VDR: variants seen among roughly 807,000 people sequenced by gnomAD.
VDR encodes vitamin D3 receptor.
A neutral mutation model predicts 39.7 loss-of-function variants in VDR; 19 were observed. The observed-to-expected ratio is 0.48, with a 90% CI of 0.33 to 0.70. The LOEUF (loss-of-function observed/expected upper bound fraction) is 0.70. Among genes scored for constraint, VDR ranks in the 30% least tolerant of loss-of-function variants. The pLI is 0.02. For synonymous variants in VDR, 242 were observed against 215.8 expected (o/e 1.12, Z -1.07); for missense variants, 442 against 570.5 (o/e 0.77, Z 2.29).
rs58233888 is a variant in VDR, at chr12:47,856,614, GTTT to G, written c.583+512_583+514del. 5.9e-4 allele frequency among the ~76,000 whole-genome samples: 83 copies of G among 141,682 alleles called. 1 individual carries two copies. The highest frequency in any genetic ancestry group is 3.8e-3 in the South Asian group (17 of 4,486). The allele number at this position is 141,682 out of a possible 152,430, so 92.9% of individuals were successfully genotyped here. A position where few individuals can be genotyped will look rare whatever the true frequency, so the allele number is the denominator to read the frequency against. On this transcript the variant is annotated intron_variant, in intron 6 of 9. Coordinates refer to ENST00000549336, the MANE Select transcript of VDR (RefSeq NM_000376.3). ...ATTTCTTTTCTAAATATACATATGT[GTTT>G]TTTTTAAAAAAAAAAAAAAAAAGAA...
intron 1 of VDR, among the ~76,000 whole-genome samples, chr12:47,895,162 T>G (rs1946441842): frequency 6.6e-6 from 1 of 152,214 alleles, no homozygotes; most frequent in Non-Finnish European, 1.5e-5. Flanking sequence ...CATTTAAGAA[T>G]AGGAGAGGAG....
intron 1 of VDR, among the ~76,000 whole-genome samples, chr12:47,884,196 G>A (rs1423386456): frequency 2.0e-5 from 3 of 152,162 alleles, no homozygotes; most frequent in Non-Finnish European, 4.4e-5. Flanking sequence ...CTCAATCCCT[G>A]TGGTTTTCAG....
rs1946077078 is a variant in VDR at position 47,879,038 on chromosome 12, C to A, written c.76G>T (p.Val26Leu). The stretch of plus-strand genomic sequence containing the variant: ...AAGCCAGTGGCTCGGTCTCCACACA[C>A]CCCACAGATCCGGGGCACGTTCCGG... ...FDRNVPRICG[V>L]CGDRATGFHF... Residue 26 changes from valine to leucine, a missense_variant, in exon 3 of 10, where the codon GTG (valine) becomes TTG (leucine). Val to Leu is a conservative substitution (Grantham distance 32). This residue lies in a region of VDR where 141 missense variants were observed against 141.3 expected (regional missense o/e 1.00). Transcript: ENST00000549336. The A allele has an allele frequency of 1.2e-6, 2 of 1,614,092 alleles. No homozygotes were observed. The highest frequency in any genetic ancestry group is 1.7e-6 in the Non-Finnish European group (2 of 1,180,032).
chr12:47,866,203 G>T (rs1945731558), intron 3 of VDR, among the ~76,000 whole-genome samples: 1 of 151,760 alleles, frequency 6.6e-6, no homozygotes, highest in African/African-American at 2.4e-5. Flanking sequence ...CACCTCCTGG[G>T]TTCATGCCGT....
chr12:47,845,221 G>A (rs1264330022), intron 9 of VDR, among the ~76,000 whole-genome samples: 1 of 151,880 alleles, frequency 6.6e-6, no homozygotes, highest in African/African-American at 2.4e-5. Context: ...TTCCATGGGC[G>A]CACCTGGCCC....
intron 3 of VDR, 182 bp downstream of exon 3, chr12:47,878,786 T>C: frequency 1.1e-6 from 1 of 933,550 alleles, no homozygotes; most frequent in Non-Finnish European, 1.7e-6. Flanking sequence ...CATCTGGAGC[T>C]GAGAGGAGGG....
intron 4 of VDR, among the ~76,000 whole-genome samples, chr12:47,861,171 G>A (rs1218018008): frequency 2.0e-5 from 3 of 152,260 alleles, no homozygotes; most frequent in East Asian, 1.9e-4. Context: ...GGTTATAAGC[G>A]GACTTTGGCT....
At chr12:47,883,406 A>T (rs564625860) in intron 1 of VDR, among the ~76,000 whole-genome samples, 1 of 152,260 alleles carries the variant, frequency 6.6e-6, no homozygotes, top group South Asian at 2.1e-4. Context: ...ACAGCAAAGC[A>T]TTGCTTTCAA....
chr12:47,889,207 G>A (rs117770756), intron 1 of VDR, among the ~76,000 whole-genome samples: 1 of 152,106 alleles, frequency 6.6e-6, no homozygotes, highest in Non-Finnish European at 1.5e-5. Flanking sequence ...CATATCCAAG[G>A]CCACACAGTA....
At chr12:47,845,097 C>T in intron 9 of VDR, 92 bp from the exon 10 acceptor site, 1 of 1,585,138 alleles carries the variant, frequency 6.3e-7, no homozygotes, top group Non-Finnish European at 8.6e-7. Context: ...CACAGACACT[C>T]AACGGCAGCA....
chr12:47,869,143 T>A (rs1945796821), intron 3 of VDR, among the ~76,000 whole-genome samples: 1 of 152,200 alleles, frequency 6.6e-6, no homozygotes, highest in Middle Eastern at 3.2e-3. Context: ...TTTTCTCATG[T>A]CACTTTAAAT....
chr12:47,865,934 C>A (rs1016055310), intron 3 of VDR, among the ~76,000 whole-genome samples: 4 of 151,108 alleles, frequency 2.6e-5, no homozygotes, highest in Admixed American at 2.6e-4. Context: ...CCAGGATGGT[C>A]TCGATCTCCT....
chr12:47,893,838 T>G (rs890582403), intron 1 of VDR, among the ~76,000 whole-genome samples: 6 of 152,248 alleles, frequency 3.9e-5, no homozygotes, highest in Non-Finnish European at 8.8e-5. Context: ...GATAGGCACA[T>G]GCCAGTCCAT....
intron 4 of VDR, among the ~76,000 whole-genome samples, chr12:47,860,231 G>A (rs1051826774): frequency 4.6e-5 from 7 of 152,158 alleles, no homozygotes; most frequent in African/African-American, 1.4e-4. Context: ...CTCCCAAAGT[G>A]CTGGGATTAC....
At chr12:47,902,425 T>C (rs1946583205) in intron 1 of VDR, among the ~76,000 whole-genome samples, 1 of 152,178 alleles carries the variant, frequency 6.6e-6, no homozygotes, top group Admixed American at 6.5e-5. Flanking sequence ...CTGCCCACCC[T>C]GGGGCTCAAA....
chr12:47,901,942 C>T (rs563501518), intron 1 of VDR, among the ~76,000 whole-genome samples: 24 of 152,246 alleles, frequency 1.6e-4, no homozygotes, highest in South Asian at 1.2e-3. Flanking sequence ...GGAGCAGTGC[C>T]GCCCCAGGGA....
Position 47,882,851 on chromosome 12 carries a change from G to A in VDR, c.-83-77C>T, listed in dbSNP as rs577056647. 1,987 of 1,202,406 alleles carry A rather than the reference G, an allele frequency of 1.7e-3. 4 individuals are homozygous for A. Among genetic ancestry groups the A allele is most frequent in the African/African-American group, 4.0e-3 (261 of 65,090 alleles). 74.5% of individuals were successfully genotyped at this position (1,202,406 alleles called of 1,614,324 possible). A position where few individuals can be genotyped will look rare whatever the true frequency, so the allele number is the denominator to read the frequency against. ...CCCCAGTCTCTAAGGAAGTGGGCAC[G>A]AGAGGCTCTTTCCAGGGACTTTAGT... On this transcript the variant is annotated intron_variant, in intron 1 of 9. Coordinates refer to ENST00000549336, the MANE Select transcript of VDR (RefSeq NM_000376.3).
chr12:47,847,142 G>T (rs770248759), intron 7 of VDR, among the ~76,000 whole-genome samples: 2 of 152,092 alleles, frequency 1.3e-5, no homozygotes, highest in Non-Finnish European at 1.5e-5. Flanking sequence ...GTCTGCAAAA[G>T]GTAGGGCCAT....
chr12:47,892,279 A>T (rs1946385470), intron 1 of VDR, among the ~76,000 whole-genome samples: 1 of 152,222 alleles, frequency 6.6e-6, no homozygotes, highest in African/African-American at 2.4e-5. Flanking sequence ...CTAGGTTATT[A>T]GTGAGGGTGG....
Sources: allele counts gnomAD v4.1 joint callset (sites outside exome capture counted in the v4.1 genomes callset), GRCh38; gene constraint gnomAD v4.1.1; regional missense constraint gnomAD v4.1.1; transcripts MANE v1.5; gene names NCBI Gene and HGNC (gene_info 2026-07-23, HGNC 2026-07-21).